RGS20: variants seen among roughly 807,000 people sequenced by gnomAD.
RGS20 encodes gz-selective GTPase-activating protein.
Under a neutral mutation model 33.6 loss-of-function variants are expected in RGS20, and 30 were observed. The observed-to-expected ratio is 0.89, with a 90% CI of 0.67 to 1.21. The LOEUF (loss-of-function observed/expected upper bound fraction) is 1.21, where lower values mean the gene tolerates loss of function less well. RGS20 is among the 50% of genes most tolerant of loss of function. RGS20 has a pLI of 0.00. For synonymous variants in RGS20, 208 were observed against 197.9 expected, an observed-to-expected ratio of 1.05 and a Z score of -0.43; for missense variants, 472 against 502.4, an observed-to-expected ratio of 0.94 and a Z score of 0.58.
intron 1 of RGS20, among the ~76,000 whole-genome samples, chr8:53,857,146 C>T (rs1811691212): frequency 6.6e-6 from 1 of 152,194 alleles, no homozygotes; most frequent in Non-Finnish European, 1.5e-5. Context: ...AAAAATAATT[C>T]CATAGTAAGT....
intron 1 of RGS20, among the ~76,000 whole-genome samples, chr8:53,864,577 T>C (rs898369621): frequency 2.6e-5 from 4 of 152,094 alleles, no homozygotes; most frequent in African/African-American, 7.2e-5. Context: ...GTTTCTCCCA[T>C]AATAGTTGTT....
chr8:53,858,300 C>T (rs11783925), intron 1 of RGS20, among the ~76,000 whole-genome samples: 20,571 of 152,062 alleles, frequency 0.14, 1,870 homozygotes, highest in Middle Eastern at 0.34. Flanking sequence ...AATCTGAGCA[C>T]CTGTACACTC....
At position 53,863,149 on chromosome 8, in the gene RGS20, G is replaced by A. The variant is rs192485235; in HGVS notation, c.165+11085G>A. ...ATTACAGGCATGTGCCACCATGCCC[G>A]GCTAATTTTGTATTTTTAGTAGAGA... On this transcript the variant is annotated intron_variant, in intron 1 of 5. Coordinates refer to ENST00000297313, the MANE Select transcript of RGS20 (RefSeq NM_170587.4). Among the ~76,000 whole-genome samples the A allele has an allele frequency of 3.3e-4, 50 of 152,112 alleles. No individual in the cohort carries two copies. The East Asian group carries it at 4.1e-3, about 12-fold the overall frequency.
rs186839293 is a variant in RGS20 at position 53,885,711 on chromosome 8, C to G, written c.510+6109C>G. ...GGTGTGTCTTCCAGGGGAGGTACTT[C>G]TAGGAATTATGCCTGCATCCTTGAA... On this transcript the variant is annotated intron_variant, in intron 2 of 5. Transcript: ENST00000297313. Among the ~76,000 whole-genome samples, 757 of 150,508 alleles carry G rather than the reference C, an allele frequency of 5.0e-3. 2 individuals carry two copies. Among genetic ancestry groups the G allele is most frequent in the Middle Eastern group, 0.021 (6 of 280 alleles).
In RGS20 at chr8:53,916,203, G is replaced by A. The variant is rs534545968; in HGVS notation, c.511-23373G>A. Among the ~76,000 whole-genome samples the A allele has an allele frequency of 1.4e-4, 21 of 152,064 alleles. 1 individual carries two copies. Among genetic ancestry groups the A allele is most frequent in the African/African-American group, 2.7e-4 (11 of 41,494 alleles). On this transcript the variant is annotated intron_variant, in intron 2 of 5. Transcript: ENST00000297313. The stretch of plus-strand genomic sequence containing the variant: ...AAGTCCGGCTAATTTTTTATTTTTC[G>A]TAGAGACAAGGTTTCACTGTGTTGC...
chr8:53,890,578 T>G (rs535937724), intron 2 of RGS20, among the ~76,000 whole-genome samples: 7 of 152,366 alleles, frequency 4.6e-5, no homozygotes, highest in Non-Finnish European at 7.3e-5. Flanking sequence ...GATGAAGGAC[T>G]GAAGGGCTGA....
chr8:53,872,972 T>C (rs1309133776), intron 1 of RGS20, among the ~76,000 whole-genome samples: 1 of 152,170 alleles, frequency 6.6e-6, no homozygotes. Flanking sequence ...CTAAATCTCA[T>C]GTGGAATTGT....
At position 53,879,401 on chromosome 8, in the gene RGS20, C is replaced by CTTCT. The variant is rs1258384079; in HGVS notation, c.310_313dup (p.Ser105PhefsTer114). ...CCGAGGCTCCCCGGAGGCGCCTGGA[C>CTTCT]TTCTCCCCCCTGCTTCCCGCCCTGC... On this transcript the variant is annotated frameshift_variant, in exon 2 of 6. Coordinates refer to ENST00000297313, the MANE Select transcript of RGS20 (RefSeq NM_170587.4). LOFTEE classifies it high-confidence loss of function. 2 of 1,610,666 alleles carry CTTCT rather than the reference C, an allele frequency of 1.2e-6. No individual in the cohort carries two copies. The highest frequency in any genetic ancestry group is 2.7e-5 in the African/African-American group (2 of 74,790).
At chr8:53,869,275 G>T (rs1450850936) in intron 1 of RGS20, among the ~76,000 whole-genome samples, 1 of 152,174 alleles carries the variant, frequency 6.6e-6, no homozygotes, top group African/African-American at 2.4e-5. Context: ...TGGGGAGAAA[G>T]CACAGGTAGA....
At chr8:53,947,899 A>ATATATAAGATGTAGTATATATATGC (rs1269240398) in intron 4 of RGS20, among the ~76,000 whole-genome samples, 15 of 132,866 alleles carry the variant, frequency 1.1e-4, no homozygotes, top group East Asian at 2.2e-4. Context: ...TATATATGCT[A>ATATATAAGATGTAGTATATATATGC]TATATATGAT....
intron 2 of RGS20, among the ~76,000 whole-genome samples, chr8:53,939,344 C>G (rs189822557): frequency 1.3e-5 from 2 of 152,340 alleles, no homozygotes; most frequent in African/African-American, 4.8e-5. Context: ...CTTCCATCTG[C>G]TAGTTTATCC....
At chr8:53,939,931 A>G (rs1327408835) in intron 3 of RGS20, among the ~76,000 whole-genome samples, 3 of 152,222 alleles carry the variant, frequency 2.0e-5, no homozygotes, top group Non-Finnish European at 2.9e-5. Flanking sequence ...GTTTATGCTC[A>G]GATCCCTCAA....
At chr8:53,931,086 C>T (rs1435281769) in intron 2 of RGS20, among the ~76,000 whole-genome samples, 3 of 152,140 alleles carry the variant, frequency 2.0e-5, no homozygotes, top group Admixed American at 1.3e-4. Flanking sequence ...TGTGGCTGAC[C>T]GTGTGTCTCT....
At chr8:53,927,734 C>A (rs1813845319) in intron 2 of RGS20, among the ~76,000 whole-genome samples, 1 of 152,088 alleles carries the variant, frequency 6.6e-6, no homozygotes. Context: ...GGCATTGATT[C>A]CATGTTATTT....
intron 1 of RGS20, among the ~76,000 whole-genome samples, chr8:53,853,230 G>A (rs1811604133): frequency 2.0e-5 from 3 of 152,124 alleles, no homozygotes; most frequent in Admixed American, 6.5e-5. Flanking sequence ...CCCATTGTAT[G>A]GTGCATATGT....
At chr8:53,958,121 G>T (rs941112610) in intron 5 of RGS20, 149 bp from the exon 5 acceptor site, 3 of 559,268 alleles carry the variant, frequency 5.4e-6, no homozygotes, top group Non-Finnish European at 9.1e-6. Flanking sequence ...GGGTGACAGA[G>T]TAAGACTCTG....
At chr8:53,937,422 T>TA (rs1423649667) in intron 2 of RGS20, among the ~76,000 whole-genome samples, 1 of 151,918 alleles carries the variant, frequency 6.6e-6, no homozygotes, top group African/African-American at 2.4e-5. Context: ...CCTAAAACCA[T>TA]AAAAACCCTA....
At chr8:53,928,965 C>G (rs1813878125) in intron 2 of RGS20, among the ~76,000 whole-genome samples, 1 of 152,180 alleles carries the variant, frequency 6.6e-6, no homozygotes, top group African/African-American at 2.4e-5. Context: ...TGGAATCCTG[C>G]TCAGGAATAA....
At chr8:53,946,846 C>A in intron 4 of RGS20, 98 bp downstream of exon 3, 2 of 967,310 alleles carry the variant, frequency 2.1e-6, no homozygotes, top group South Asian at 1.7e-5. Context: ...CATACTTTCT[C>A]TAACTGTAAT....
Sources: allele counts gnomAD v4.1 joint callset (sites outside exome capture counted in the v4.1 genomes callset), GRCh38; gene constraint gnomAD v4.1.1; transcripts MANE v1.5; gene names NCBI Gene and HGNC (gene_info 2026-07-23, HGNC 2026-07-21).